The following MOB1B variants were observed in gnomAD, a reference collection of about 807,000 sequenced individuals.
MOB1B encodes the protein MOB1 Mps One Binder homolog B.
Under a neutral mutation model 24.4 loss-of-function variants are expected in MOB1B, and 19 were observed. That is an observed-to-expected ratio of 0.78 (90% CI 0.54 to 1.14). MOB1B has a LOEUF of 1.14. Ranked by LOEUF, MOB1B falls within the 50% of genes most tolerant of loss-of-function variation. The pLI, the probability that MOB1B is intolerant of heterozygous loss-of-function variation, is 0.00. For missense variants in MOB1B, 243 were observed against 259.6 expected (o/e 0.94, Z 0.44); for synonymous variants, 76 against 82.1 (o/e 0.93, Z 0.40).
At chr4:70,909,836 C>T (rs1422593893) in intron 1 of MOB1B, among the ~76,000 whole-genome samples, 2 of 151,980 alleles carry the variant, frequency 1.3e-5, no homozygotes, top group African/African-American at 4.8e-5. Flanking sequence ...AAGCAGTTCT[C>T]CCTGCCTCAG....
At chr4:70,919,921 T>A (rs960998026) in intron 1 of MOB1B, among the ~76,000 whole-genome samples, 1 of 152,232 alleles carries the variant, frequency 6.6e-6, no homozygotes, top group African/African-American at 2.4e-5. Context: ...TGACTCCACA[T>A]GTCCCCAGGC....
chr4:70,946,582 A>C (rs1026556475), intron 1 of MOB1B, among the ~76,000 whole-genome samples: 1 of 152,244 alleles, frequency 6.6e-6, no homozygotes, highest in Non-Finnish European at 1.5e-5. Flanking sequence ...ATGTAAGTGC[A>C]TGTAAATATG....
At chr4:70,975,401 T>C in intron 4 of MOB1B, 115 bp downstream of exon 4, 1 of 1,466,278 alleles carries the variant, frequency 6.8e-7, no homozygotes, top group Non-Finnish European at 9.0e-7. Flanking sequence ...GCTGTGTTGA[T>C]ATATGTATAT....
intron 1 of MOB1B, among the ~76,000 whole-genome samples, chr4:70,943,247 G>A (rs1737421873): frequency 6.6e-6 from 1 of 152,070 alleles, no homozygotes; most frequent in East Asian, 1.9e-4. Flanking sequence ...TAAATGGGGT[G>A]GTTCAGCTTT....
chr4:70,951,568 C>A (rs181045356), intron 1 of MOB1B, among the ~76,000 whole-genome samples: 1 of 152,224 alleles, frequency 6.6e-6, no homozygotes, highest in Admixed American at 6.5e-5. Flanking sequence ...TAATGTGATA[C>A]CTCTAATATG....
chr4:70,925,037 T>G (rs1054681051), intron 1 of MOB1B, among the ~76,000 whole-genome samples: 3 of 152,166 alleles, frequency 2.0e-5, no homozygotes, highest in South Asian at 2.1e-4. Flanking sequence ...CTATTGATTT[T>G]ATTTTATTTT....
chr4:70,979,540 G>A (rs983305659), intron 5 of MOB1B, among the ~76,000 whole-genome samples: 1 of 152,140 alleles, frequency 6.6e-6, no homozygotes, highest in Non-Finnish European at 1.5e-5. Flanking sequence ...CAGTTAACAG[G>A]CCATATGGAG....
At chr4:70,976,419 A>G (rs1486305051) in intron 4 of MOB1B, 1 of 985,406 alleles carries the variant, frequency 1.0e-6, no homozygotes, top group Non-Finnish European at 1.2e-6. Context: ...GCTATGTGAG[A>G]AGAAAACAAG....
At chr4:70,959,747 G>A (rs1738223495) in intron 2 of MOB1B, among the ~76,000 whole-genome samples, 1 of 152,046 alleles carries the variant, frequency 6.6e-6, no homozygotes, top group Admixed American at 6.6e-5. Flanking sequence ...AACTTGCCTA[G>A]GTCATATAGC....
chr4:70,982,042 C>T lies in MOB1B; in HGVS notation c.636C>T (p.Thr212=), dbSNP rs1320916327. The T allele has an allele frequency of 6.2e-7, 1 of 1,610,910 alleles. No individual in the cohort carries two copies. Among genetic ancestry groups the T allele is most frequent in the Non-Finnish European group, 8.5e-7 (1 of 1,177,500 alleles). Residue 212 remains threonine, a synonymous_variant, in exon 6 of 6, where the codon ACC becomes ACT. Transcript: ENST00000309395. The part of the protein sequence containing the change: ...APLQELIEKL[T]SKDR ...TCCAAGAACTGATTGAAAAACTCAC[C>T]TCAAAAGACAGATAAAAGGATGCAG... is the stretch of plus-strand genomic sequence containing the variant.
intron 1 of MOB1B, among the ~76,000 whole-genome samples, chr4:70,921,224 C>T (rs1736423469): frequency 6.6e-6 from 1 of 152,112 alleles, no homozygotes; most frequent in Non-Finnish European, 1.5e-5. Flanking sequence ...ATTCCTGATA[C>T]ACAATTTAAT....
chr4:70,962,849 A>G (rs1387503034), intron 2 of MOB1B, among the ~76,000 whole-genome samples: 1 of 151,862 alleles, frequency 6.6e-6, no homozygotes, highest in East Asian at 1.9e-4. Context: ...AAATACAAAT[A>G]AAAAATTAGC....
chr4:70,967,508 A>AATT (rs2148898475), intron 2 of MOB1B, among the ~76,000 whole-genome samples: 1 of 152,338 alleles, frequency 6.6e-6, no homozygotes, highest in Admixed American at 6.5e-5. Flanking sequence ...AGGAAGAAAG[A>AATT]ATTATTCTTT....
chr4:70,952,642 C>CAAAAAAA (rs541028817), intron 1 of MOB1B, among the ~76,000 whole-genome samples: 1 of 54,022 alleles, frequency 1.9e-5, no homozygotes, highest in African/African-American at 5.0e-5. Flanking sequence ...GACGCCGTCT[C>CAAAAAAA]AAAAAAAAAA....
intron 1 of MOB1B, among the ~76,000 whole-genome samples, chr4:70,952,786 G>A (rs182546146): frequency 6.6e-6 from 1 of 151,900 alleles, no homozygotes; most frequent in Non-Finnish European, 1.5e-5. Flanking sequence ...GTGAAGATTT[G>A]TATTTGTATG....
At position 70,940,416 on chromosome 4, in the gene MOB1B, A is replaced by G. The variant is rs192570224; in HGVS notation, c.15-18458A>G. Among the ~76,000 whole-genome samples the G allele has an allele frequency of 2.6e-3, 392 of 151,998 alleles. 1 individual carries two copies. Among genetic ancestry groups the G allele is most frequent in the Non-Finnish European group, 4.3e-3 (293 of 67,980 alleles). ...CTAGCCTGGGTGAGAGCAGAGCGAG[A>G]CCCCATGTCAGAAAACAACACAAAC... On this transcript the variant is annotated intron_variant, in intron 1 of 5. Coordinates refer to ENST00000309395, the MANE Select transcript of MOB1B (RefSeq NM_173468.4).
chr4:70,902,935 G>C (rs1354496917), intron 1 of MOB1B, among the ~76,000 whole-genome samples: 1 of 152,200 alleles, frequency 6.6e-6, no homozygotes, highest in East Asian at 1.9e-4. Context: ...TCGGTTGAAT[G>C]GCTCCGTCGC....
At chr4:70,948,350 T>G (rs769935409) in intron 1 of MOB1B, among the ~76,000 whole-genome samples, 1 of 152,222 alleles carries the variant, frequency 6.6e-6, no homozygotes, top group Non-Finnish European at 1.5e-5. Context: ...ATCGCCCGTT[T>G]AGAGTGCACT....
chr4:70,954,984 C>T (rs1332441647), intron 1 of MOB1B, among the ~76,000 whole-genome samples: 1 of 151,954 alleles, frequency 6.6e-6, no homozygotes, highest in Admixed American at 6.6e-5. Flanking sequence ...CGGGGTTTCA[C>T]CATGTTGGCC....
Sources: gnomAD v4.1 joint callset for allele counts (sites outside exome capture counted in the v4.1 genomes callset) on GRCh38, gnomAD v4.1.1 for gene constraint, MANE v1.5 for transcripts, NCBI Gene and HGNC (gene_info 2026-07-23, HGNC 2026-07-21) for gene names.